The following PAQR3 variants were observed in gnomAD, a reference collection of about 807,000 sequenced individuals.
The protein encoded by PAQR3 is progestin and adipoQ receptor family member 3.
PAQR3 carries 39 observed loss-of-function variants against 41.7 expected under a neutral mutation model. The ratio of observed to expected loss-of-function variants is 0.93; its 90% CI spans 0.72 to 1.22. The LOEUF (loss-of-function observed/expected upper bound fraction) is 1.22. PAQR3 is among the 50% of genes most tolerant of loss of function. The pLI, the probability that PAQR3 is intolerant of heterozygous loss-of-function variation, is 0.00. For synonymous variants in PAQR3, 140 were observed against 140.6 expected, an observed-to-expected ratio of 1.00 and a Z score of 0.03; for missense variants, 366 against 385.6, an observed-to-expected ratio of 0.95 and a Z score of 0.42.
In PAQR3 at chr4:78,917,734, C is replaced by T. The variant is rs1167296547; in HGVS notation, c.*2805G>A. On this transcript the variant is annotated 3_prime_UTR_variant, in exon 6 of 6. Transcript: ENST00000512733. ...AGGCTTTGCCCCTTGACATTTAATA[C>T]AGGGCAAAGTATTATCTAGTAGGTA... 2.3e-6 allele frequency: 2 copies of T among 883,618 alleles called. No individual in the cohort carries two copies. The highest frequency in any genetic ancestry group is 2.7e-6 in the Non-Finnish European group (2 of 737,572). The allele number at this position is 883,618 out of a possible 1,614,324, so 54.7% of individuals were successfully genotyped here. A position where few individuals can be genotyped will look rare whatever the true frequency, so the allele number is the denominator to read the frequency against.
rs1383228524 is a variant in PAQR3, at chr4:78,912,153, A to C, written c.*8386T>G. The C allele has an allele frequency of 2.9e-5, 26 of 898,276 alleles. No individual in the cohort carries two copies. The East Asian group carries it at 6.1e-4, about 21-fold the overall frequency. 55.6% of individuals were successfully genotyped at this position (898,276 alleles called of 1,614,324 possible). A position where few individuals can be genotyped will look rare whatever the true frequency, so the allele number is the denominator to read the frequency against. On this transcript the variant is annotated 3_prime_UTR_variant, in exon 6 of 6. Coordinates refer to ENST00000512733, the MANE Select transcript of PAQR3 (RefSeq NM_001040202.2). ...TTCATTCTTAAAGATCAGTCAGAAT[A>C]GGTGATTTCTAAATAAACCAAATAG...
chr4:78,919,421 A>G lies in PAQR3; in HGVS notation c.*1118T>C. On this transcript the variant is annotated 3_prime_UTR_variant, in exon 6 of 6. Coordinates refer to ENST00000512733, the MANE Select transcript of PAQR3 (RefSeq NM_001040202.2). ...GGGCAGTGAGTTCTATTTTTTAAGT[A>G]TATACAATAAAAAGAAAGTTTAATG... The G allele has an allele frequency of 2.0e-6, 2 of 984,212 alleles. No homozygotes were observed. Among genetic ancestry groups the G allele is most frequent in the Non-Finnish European group, 2.4e-6 (2 of 828,950 alleles). 61.0% of individuals were successfully genotyped at this position (984,212 alleles called of 1,614,324 possible). A position where few individuals can be genotyped will look rare whatever the true frequency, so the allele number is the denominator to read the frequency against.
chr4:78,933,328 T>C (rs1194711050), intron 2 of PAQR3: 2 of 454,258 alleles, frequency 4.4e-6, no homozygotes, highest in Non-Finnish European at 8.9e-6. Context: ...TTCTCCAAAA[T>C]ACAAATACCC....
chr4:78,938,990 G>T, intron 1 of PAQR3, 50 bp downstream of exon 1: 1 of 1,494,734 alleles, frequency 6.7e-7, no homozygotes, highest in Non-Finnish European at 9.1e-7. Flanking sequence ...AGACAAAAAG[G>T]GTGTAGGTGA....
Position 78,912,927 on chromosome 4 carries a change from T to C in PAQR3, c.*7612A>G, listed in dbSNP as rs886705060. 1 of 152,162 alleles carries C rather than the reference T, an allele frequency of 6.6e-6. No individual in the cohort carries two copies. Among genetic ancestry groups the C allele is most frequent in the Non-Finnish European group, 1.5e-5 (1 of 68,020 alleles). 9.4% of individuals were successfully genotyped at this position (152,162 alleles called of 1,614,324 possible). On this transcript the variant is annotated 3_prime_UTR_variant, in exon 6 of 6. Transcript: ENST00000512733. ...TGCATGGCTTCTTGCCCCAAACTTT[T>C]ATTGTGATGGCCCTAATAAAGCAGA...
intron 11 of PAQR3, among the ~76,000 whole-genome samples, chr4:78,888,561 G>A (rs567923066): frequency 3.3e-4 from 50 of 152,258 alleles, no homozygotes; most frequent in African/African-American, 1.1e-3. Flanking sequence ...CTTCTCTGAT[G>A]TTTAATAGCA....
chr4:78,929,257 A>AG (rs1324331888), intron 3 of PAQR3, among the ~76,000 whole-genome samples: 1 of 152,194 alleles, frequency 6.6e-6, no homozygotes, highest in Non-Finnish European at 1.5e-5. Context: ...ACTGCTCCTG[A>AG]GGGAGAAGCT....
In PAQR3 at chr4:78,938,994, TA is replaced by T. The variant is rs773045146; in HGVS notation, c.185+45del. ...GAAGGGGGACCAGACAAAAAGGGTG[TA>T]GGTGAGAGAAGGGGGCACTCCAGGC... On this transcript the variant is annotated intron_variant, in intron 1 of 5. Transcript: ENST00000512733. 32 of 1,503,632 alleles carry T rather than the reference TA, an allele frequency of 2.1e-5. No homozygotes were observed. The South Asian group carries it at 3.7e-4, about 17-fold the overall frequency. 93.1% of individuals were successfully genotyped at this position (1,503,632 alleles called of 1,614,324 possible). A position where few individuals can be genotyped will look rare whatever the true frequency, so the allele number is the denominator to read the frequency against.
At position 78,917,091 on chromosome 4, in the gene PAQR3, C is replaced by T. The variant is rs1206405577; in HGVS notation, c.*3448G>A. On this transcript the variant is annotated 3_prime_UTR_variant, in exon 6 of 6. Coordinates refer to ENST00000512733, the MANE Select transcript of PAQR3 (RefSeq NM_001040202.2). ...ACAAAGAATAGTTTGCAGTGTATTA[C>T]TGTTCAAATTCAGTTATAGTTACTT... 1 of 151,966 alleles carries T rather than the reference C, an allele frequency of 6.6e-6. No individual in the cohort carries two copies. The highest frequency in any genetic ancestry group is 1.9e-4 in the East Asian group (1 of 5,204). 9.4% of individuals were successfully genotyped at this position (151,966 alleles called of 1,614,324 possible).
intron 10 of PAQR3, among the ~76,000 whole-genome samples, chr4:78,906,406 T>C (rs1453434810): frequency 3.3e-5 from 5 of 152,082 alleles, no homozygotes; most frequent in Admixed American, 3.3e-4. Flanking sequence ...CAACAGAAAA[T>C]TTCCCCAGTT....
At chr4:78,887,947 A>G (rs1438348831) in intron 12 of PAQR3, 2 of 152,320 alleles carry the variant, frequency 1.3e-5, no homozygotes, top group Non-Finnish European at 2.9e-5. Context: ...CGATATATTC[A>G]TGGTAACTGT....
chr4:78,888,696 G>A (rs1192292874), intron 11 of PAQR3, among the ~76,000 whole-genome samples: 1 of 152,186 alleles, frequency 6.6e-6, no homozygotes, highest in Non-Finnish European at 1.5e-5. Context: ...TTCGCAACAT[G>A]TTCACAGGTT....
chr4:78,917,559 G>A lies in PAQR3; in HGVS notation c.*2980C>T, dbSNP rs1488147408. The A allele has an allele frequency of 2.0e-5, 3 of 152,420 alleles. No individual in the cohort carries two copies. Among genetic ancestry groups the A allele is most frequent in the African/African-American group, 4.8e-5 (2 of 41,408 alleles). 9.4% of individuals were successfully genotyped at this position (152,420 alleles called of 1,614,324 possible). A position where few individuals can be genotyped will look rare whatever the true frequency, so the allele number is the denominator to read the frequency against. On this transcript the variant is annotated 3_prime_UTR_variant, in exon 6 of 6. Coordinates refer to ENST00000512733, the MANE Select transcript of PAQR3 (RefSeq NM_001040202.2). ...TCTTTAGTGTAAACACAGTTATTGT[G>A]ATAATGCACACAGAAGGTATTTCTA... is the stretch of plus-strand genomic sequence containing the variant.
chr4:78,903,016 C>G (rs1349267906), intron 11 of PAQR3, among the ~76,000 whole-genome samples: 1 of 150,538 alleles, frequency 6.6e-6, no homozygotes, highest in Non-Finnish European at 1.5e-5. Context: ...TAGGCATTGA[C>G]TACAAATTTT....
chr4:78,935,721 C>T (rs1398604776), intron 1 of PAQR3, among the ~76,000 whole-genome samples: 1 of 152,178 alleles, frequency 6.6e-6, no homozygotes, highest in Non-Finnish European at 1.5e-5. Flanking sequence ...ATCAATAATA[C>T]GTATCTGAAA....
intron 11 of PAQR3, chr4:78,906,022 G>A (rs1734264804): frequency 6.6e-6 from 1 of 151,944 alleles, no homozygotes; most frequent in South Asian, 2.1e-4. Context: ...TTTTATTTTT[G>A]TGTAATTCAC....
chr4:78,887,187 G>C, exon 13 of PAQR3: 1 of 1,605,954 alleles, frequency 6.2e-7, no homozygotes, highest in Non-Finnish European at 8.5e-7. Flanking sequence ...GGCTCGAGGA[G>C]AGAGCATCCT....
chr4:78,926,412 T>G, intron 4 of PAQR3, 109 bp downstream of exon 4: 1 of 875,690 alleles, frequency 1.1e-6, no homozygotes, highest in Non-Finnish European at 1.8e-6. Flanking sequence ...AAATATGTTC[T>G]CAAATGACAA....
At chr4:78,923,973 C>G in intron 4 of PAQR3, 26 bp from the exon 5 acceptor site, 1 of 1,496,422 alleles carries the variant, frequency 6.7e-7, no homozygotes, top group African/African-American at 1.4e-5. Context: ...TGTTTTTTTA[C>G]AGATCTTCCT....
Sources: gnomAD v4.1 joint callset for allele counts (sites outside exome capture counted in the v4.1 genomes callset) on GRCh38, gnomAD v4.1.1 for gene constraint, MANE v1.5 for transcripts, NCBI Gene and HGNC (gene_info 2026-07-23, HGNC 2026-07-21) for gene names.